The following ANKS3 variants were observed in gnomAD, a reference collection of about 807,000 sequenced individuals.
ANKS3 encodes ankyrin repeat and sterile alpha motif domain containing 3, also known as ankyrin repeat and SAM domain-containing protein 3.
ANKS3 carries 62 observed loss-of-function variants against 80.7 expected under a neutral mutation model. The ratio of observed to expected loss-of-function variants is 0.77; its 90% confidence interval spans 0.63 to 0.95. ANKS3 has a LOEUF of 0.95. Among genes scored for constraint, ANKS3 ranks in the 40% least tolerant of loss-of-function variants. ANKS3 has a pLI of 0.00. For missense variants in ANKS3, 1,150 were observed against 883.6 expected (o/e 1.30, Z -3.82); for synonymous variants, 489 against 355.3 (o/e 1.38, Z -4.23).
At chr16:4,731,754 C>T (rs1354985831) in intron 1 of ANKS3, among the ~76,000 whole-genome samples, 175 bp from the exon 2 acceptor site, 2 of 152,122 alleles carry the variant, frequency 1.3e-5, no homozygotes, top group Admixed American at 6.5e-5. Context: ...ACTTAGGCAT[C>T]CTTTGAAGAG....
chr16:4,721,920 G>T (rs1176576699), intron 6 of ANKS3, among the ~76,000 whole-genome samples: 1 of 149,558 alleles, frequency 6.7e-6, no homozygotes, highest in African/African-American at 2.5e-5. Flanking sequence ...ACAGGAGCGA[G>T]ACAATGCACC....
chr16:4,732,564 T>A (rs1390183774), intron 1 of ANKS3, among the ~76,000 whole-genome samples: 1 of 151,254 alleles, frequency 6.6e-6, no homozygotes, highest in Admixed American at 6.6e-5. Flanking sequence ...GCGCCTGTAG[T>A]CTCAGTACTC....
intron 8 of ANKS3, 151 bp from the exon 9 acceptor site, chr16:4,702,393 G>C (rs2079965825): frequency 1.2e-6 from 1 of 854,930 alleles, no homozygotes; most frequent in Non-Finnish European, 1.6e-6. Flanking sequence ...TGGTGTGTGG[G>C]TGGAAAAGAT....
At chr16:4,727,316 T>C in intron 3 of ANKS3, 139 bp from the exon 4 acceptor site, 1 of 844,826 alleles carries the variant, frequency 1.2e-6, no homozygotes, top group South Asian at 1.7e-5. Context: ...TTGTGGGGAT[T>C]GGAGGCAGGC....
At chr16:4,722,766 A>T (rs2081168401) in intron 6 of ANKS3, among the ~76,000 whole-genome samples, 1 of 145,828 alleles carries the variant, frequency 6.9e-6, no homozygotes, top group Non-Finnish European at 1.5e-5. Context: ...AAAATACAAA[A>T]AATTAGCCAG....
At chr16:4,704,071 G>A (rs929328570) in intron 8 of ANKS3, among the ~76,000 whole-genome samples, 1 of 152,202 alleles carries the variant, frequency 6.6e-6, no homozygotes, top group Non-Finnish European at 1.5e-5. Context: ...ACAGCTCAGC[G>A]GACGGGACAC....
intron 6 of ANKS3, among the ~76,000 whole-genome samples, chr16:4,720,344 C>A (rs2081025076): frequency 6.6e-6 from 1 of 150,658 alleles, no homozygotes; most frequent in Non-Finnish European, 1.5e-5. Flanking sequence ...TGCCTACAGT[C>A]CCAGCTACTC....
intron 5 of ANKS3, 139 bp downstream of exon 5, chr16:4,726,520 T>C: frequency 1.2e-6 from 1 of 828,216 alleles, no homozygotes; most frequent in Non-Finnish European, 1.9e-6. Flanking sequence ...GGAAGGACTC[T>C]GGTCCTACCC....
At chr16:4,725,844 G>C (rs1378683987) in intron 5 of ANKS3, among the ~76,000 whole-genome samples, 2 of 151,590 alleles carry the variant, frequency 1.3e-5, no homozygotes, top group Non-Finnish European at 2.9e-5. Context: ...ATTTTTAGTA[G>C]AGACGGGGTT....
chr16:4,700,984 A>G lies in ANKS3; in HGVS notation c.1270T>C (p.Tyr424His). 6.2e-7 allele frequency: 1 copy of G among 1,613,890 alleles called. No homozygotes were observed. Among genetic ancestry groups the G allele is most frequent in the Non-Finnish European group, 8.5e-7 (1 of 1,179,972 alleles). Reference sequence around the variant, plus strand: ...AGCGGTCTTACCTGGGGTCCTGAGTAGGGGGCCCTCTGAGTCTGGGGGCTG... The same window carrying G: ...AGCGGTCTTACCTGGGGTCCTGAGTGGGGGGCCCTCTGAGTCTGGGGGCTG... ...ESSPQTQRAP[Y>H]SGPQDLAALL... The change falls in exon 11 of 18, where the codon TAC (tyrosine) becomes CAC (histidine). Residue 424 changes from tyrosine to histidine, a missense_variant. Physicochemically the swap from Tyr to His is moderately conservative, Grantham distance 83 (BLOSUM62 2). Transcript: ENST00000304283.
chr16:4,732,731 C>T (rs2081710962), intron 1 of ANKS3, among the ~76,000 whole-genome samples: 1 of 151,006 alleles, frequency 6.6e-6, no homozygotes, highest in South Asian at 2.1e-4. Flanking sequence ...TGTCCCATCC[C>T]GAGTGGTGTG....
chr16:4,713,362 T>C (rs1456796941), intron 7 of ANKS3, among the ~76,000 whole-genome samples: 1 of 152,048 alleles, frequency 6.6e-6, no homozygotes, highest in Non-Finnish European at 1.5e-5. Flanking sequence ...AAAGGACTTA[T>C]TCACGTATCC....
chr16:4,701,245 G>T, intron 10 of ANKS3, 111 bp from the exon 11 acceptor site: 1 of 1,516,402 alleles, frequency 6.6e-7, no homozygotes, highest in Non-Finnish European at 9.0e-7. Context: ...CCCCCCACCC[G>T]CCACACAGGG....
chr16:4,718,343 T>G (rs946355559), intron 6 of ANKS3, among the ~76,000 whole-genome samples: 6 of 152,192 alleles, frequency 3.9e-5, no homozygotes, highest in Non-Finnish European at 8.8e-5. Context: ...TCAGAAAGTT[T>G]AGAAACCCTG....
intron 8 of ANKS3, 45 bp downstream of exon 8, chr16:4,705,050 T>C: frequency 6.3e-7 from 1 of 1,598,050 alleles, no homozygotes; most frequent in Non-Finnish European, 8.5e-7. Context: ...CACAAAATCC[T>C]GGTATGCAAT....
At chr16:4,698,265 T>G in intron 14 of ANKS3, 162 bp downstream of exon 14, 1 of 1,186,800 alleles carries the variant, frequency 8.4e-7, no homozygotes, top group South Asian at 1.6e-5. Flanking sequence ...TGCCTGGGTC[T>G]GCCTGCAGGA....
intron 6 of ANKS3, among the ~76,000 whole-genome samples, chr16:4,723,108 T>C (rs2142135321): frequency 6.6e-6 from 1 of 152,302 alleles, no homozygotes; most frequent in South Asian, 2.1e-4. Context: ...ACCTTGGTAG[T>C]GGGAATTCAT....
At chr16:4,714,892 T>G (rs1341376687) in intron 6 of ANKS3, among the ~76,000 whole-genome samples, 1 of 144,024 alleles carries the variant, frequency 6.9e-6, no homozygotes, top group Non-Finnish European at 1.5e-5. Context: ...CTCGGGAGGC[T>G]GAGGCAGGAG....
rs753327026 is a variant in ANKS3 at position 4,714,990 on chromosome 16, C to CAAAAAAAAAAAAAAAAAA, written c.574-822_574-805dup. ...CTGAAGACAGAGTGAGACTCTGTCTCAAAAAAAAAAAAAAAAAAAAAAAAA... is the reference window on the plus strand; with the variant it reads ...CTGAAGACAGAGTGAGACTCTGTCTCAAAAAAAAAAAAAAAAAAAAAAAAAAAAAAAAAAAAAAAAAAA... On this transcript the variant is annotated intron_variant, in intron 6 of 17. Coordinates refer to ENST00000304283, the MANE Select transcript of ANKS3 (RefSeq NM_133450.4). 6.3e-4 allele frequency among the ~76,000 whole-genome samples: 23 copies of CAAAAAAAAAAAAAAAAAA among 36,626 alleles called. 1 individual carries two copies. Among genetic ancestry groups the CAAAAAAAAAAAAAAAAAA allele is most frequent in the African/African-American group, 3.4e-3 (23 of 6,698 alleles). 24.0% of individuals were successfully genotyped at this position (36,626 alleles called of 152,430 possible).
Sources: gnomAD v4.1 joint callset for allele counts (sites outside exome capture counted in the v4.1 genomes callset) on GRCh38, gnomAD v4.1.1 for gene constraint, MANE v1.5 for transcripts, NCBI Gene and HGNC (gene_info 2026-07-23, HGNC 2026-07-21) for gene names.